Variants in TLK1 observed in about 807,000 individuals in gnomAD.
TLK1 encodes the protein serine/threonine-protein kinase tousled-like 1.
A neutral mutation model predicts 105.3 loss-of-function variants in TLK1; 24 were observed. The ratio of observed to expected loss-of-function variants is 0.23; its 90% CI spans 0.17 to 0.32. The LOEUF is 0.32. Among genes scored for constraint, TLK1 ranks in the 10% least tolerant of loss-of-function variants. The pLI is 1.00. For synonymous variants in TLK1, 321 were observed against 310.4 expected (o/e 1.03, Z -0.36); for missense variants, 558 against 910.5 (o/e 0.61, Z 4.98).
chr2:171,003,721 C>T (rs962655838), intron 18 of TLK1, among the ~76,000 whole-genome samples: 1 of 152,196 alleles, frequency 6.6e-6, no homozygotes, highest in African/African-American at 2.4e-5. Flanking sequence ...TATTACAGTA[C>T]ACAGTATGTG....
chr2:171,028,435 AT>A, intron 11 of TLK1, 30 bp from the exon 12 acceptor site: 1 of 1,366,798 alleles, frequency 7.3e-7, no homozygotes, highest in Non-Finnish European at 1.0e-6. Flanking sequence ...AATTCTACAT[AT>A]TGAGATTAAT....
intron 1 of TLK1, among the ~76,000 whole-genome samples, chr2:171,206,381 A>C (rs977602739): frequency 1.4e-4 from 21 of 152,194 alleles, no homozygotes; most frequent in African/African-American, 5.1e-4. Flanking sequence ...GAAAAACAGT[A>C]AGAACCCTAC....
chr2:171,096,693 G>A (rs1689467716), intron 2 of TLK1, among the ~76,000 whole-genome samples: 1 of 151,534 alleles, frequency 6.6e-6, no homozygotes, highest in African/African-American at 2.4e-5. Context: ...AGGAGGCAGA[G>A]GATGCAGTGA....
chr2:171,080,991 C>A (rs915007449), intron 3 of TLK1, among the ~76,000 whole-genome samples: 3 of 152,134 alleles, frequency 2.0e-5, no homozygotes, highest in Non-Finnish European at 4.4e-5. Context: ...CAAGCGTGAG[C>A]CCCCGTACAT....
chr2:171,186,430 A>C (rs1434989352), intron 1 of TLK1, among the ~76,000 whole-genome samples: 8 of 152,192 alleles, frequency 5.3e-5, no homozygotes, highest in Admixed American at 3.3e-4. Flanking sequence ...CGTCACAATG[A>C]TGGGAGTAAA....
intron 5 of TLK1, 118 bp from the exon 6 acceptor site, chr2:171,056,684 A>G: frequency 1.4e-6 from 1 of 722,348 alleles, no homozygotes; most frequent in South Asian, 2.1e-5. Context: ...TAGTCATTTA[A>G]ATGGGTCCAG....
chr2:171,088,531 C>G (rs948602063), intron 2 of TLK1, among the ~76,000 whole-genome samples: 1 of 152,108 alleles, frequency 6.6e-6, no homozygotes, highest in Non-Finnish European at 1.5e-5. Context: ...TTAAAGAAAA[C>G]CAAACCAAGA....
chr2:171,128,249 T>C (rs551813151), intron 1 of TLK1, among the ~76,000 whole-genome samples: 1 of 152,278 alleles, frequency 6.6e-6, no homozygotes, highest in African/African-American at 2.4e-5. Context: ...GAAAATAATT[T>C]AAATTTCAAT....
chr2:171,093,209 A>C (rs539686573), intron 2 of TLK1, among the ~76,000 whole-genome samples: 5 of 152,350 alleles, frequency 3.3e-5, no homozygotes, highest in African/African-American at 9.6e-5. Context: ...GAGACCATTA[A>C]AATATGCCAC....
At position 170,992,214 on chromosome 2, in the gene TLK1, C is replaced by A. The variant is rs1385420422; in HGVS notation, c.*1566G>T. ...ATTACTGTTTTGGCTATACTCTCTA[C>A]AATTTCAGCAGCATTTTAAAGAGAC... is the stretch of plus-strand genomic sequence containing the variant. On this transcript the variant is annotated 3_prime_UTR_variant, in exon 21 of 21. Coordinates refer to ENST00000431350, the MANE Select transcript of TLK1 (RefSeq NM_012290.5). 5 of 152,080 alleles carry A rather than the reference C, an allele frequency of 3.3e-5. No individual in the cohort carries two copies. Among genetic ancestry groups the A allele is most frequent in the African/African-American group, 9.7e-5 (4 of 41,414 alleles). 9.4% of individuals were successfully genotyped at this position (152,080 alleles called of 1,614,324 possible).
At chr2:171,152,254 T>G (rs1692072105) in intron 1 of TLK1, among the ~76,000 whole-genome samples, 1 of 152,252 alleles carries the variant, frequency 6.6e-6, no homozygotes, top group African/African-American at 2.4e-5. Context: ...CCCAAAATAC[T>G]TATATTTGGC....
At chr2:171,085,031 T>C (rs762177706) in intron 2 of TLK1, among the ~76,000 whole-genome samples, 2 of 152,108 alleles carry the variant, frequency 1.3e-5, no homozygotes, top group Non-Finnish European at 2.9e-5. Context: ...AAGATCAATA[T>C]ACAGATAACA....
intron 1 of TLK1, among the ~76,000 whole-genome samples, chr2:171,136,423 C>T (rs760076876): frequency 6.6e-6 from 1 of 152,062 alleles, no homozygotes; most frequent in Admixed American, 6.5e-5. Context: ...TTAACACTAC[C>T]GACTTAGAAA....
intron 11 of TLK1, among the ~76,000 whole-genome samples, chr2:171,036,683 C>T (rs1188131266): frequency 6.6e-6 from 1 of 152,138 alleles, no homozygotes; most frequent in African/African-American, 2.4e-5. Context: ...ACTTGCTTCT[C>T]GAGTTTCAGT....
intron 1 of TLK1, among the ~76,000 whole-genome samples, chr2:171,146,531 G>A (rs754350617): frequency 7.2e-5 from 11 of 152,032 alleles, no homozygotes; most frequent in South Asian, 6.2e-4. Flanking sequence ...AAAATATGAC[G>A]GTGGAAATAG....
intron 1 of TLK1, among the ~76,000 whole-genome samples, chr2:171,138,150 G>C (rs1304774282): frequency 2.0e-5 from 3 of 152,128 alleles, no homozygotes; most frequent in East Asian, 1.9e-4. Context: ...AATTTATCGT[G>C]TGAGCTTTCA....
At chr2:171,182,585 G>T (rs769947079) in intron 1 of TLK1, among the ~76,000 whole-genome samples, 21 of 151,912 alleles carry the variant, frequency 1.4e-4, no homozygotes, top group Non-Finnish European at 2.8e-4. Flanking sequence ...ATGATAACTG[G>T]GTACAAAACA....
chr2:171,033,470 A>G (rs1385748111), intron 11 of TLK1, among the ~76,000 whole-genome samples: 1 of 151,942 alleles, frequency 6.6e-6, no homozygotes, highest in East Asian at 1.9e-4. Context: ...AATGGGTGCA[A>G]AAACATAGAA....
intron 3 of TLK1, chr2:171,081,627 T>C: frequency 7.7e-7 from 1 of 1,302,212 alleles, no homozygotes; most frequent in African/African-American, 1.5e-5. Context: ...CTACAGGGGC[T>C]ACTAACGCTT....
Sources: allele counts gnomAD v4.1 joint callset (sites outside exome capture counted in the v4.1 genomes callset), GRCh38; gene constraint gnomAD v4.1.1; transcripts MANE v1.5; gene names NCBI Gene and HGNC (gene_info 2026-07-23, HGNC 2026-07-21).